IMMP1L: variants seen among roughly 807,000 people sequenced by gnomAD.
The protein encoded by IMMP1L is inner mitochondrial membrane peptidase subunit 1.
IMMP1L carries 24 observed loss-of-function variants against 21.8 expected under a neutral mutation model. The ratio of observed to expected loss-of-function variants is 1.10; its 90% CI spans 0.80 to 1.55. The LOEUF (loss-of-function observed/expected upper bound fraction) is 1.55, where lower values mean the gene tolerates loss of function less well. Ranked by LOEUF, IMMP1L falls within the 40% of genes most tolerant of loss-of-function variation. The pLI is 0.00. For synonymous variants in IMMP1L, 46 were observed against 62.8 expected, an observed-to-expected ratio of 0.73 and a Z score of 1.26; for missense variants, 195 against 200.7, an observed-to-expected ratio of 0.97 and a Z score of 0.17.
At chr11:31,488,152 C>T (rs907404301) in intron 1 of IMMP1L, 1 of 151,014 alleles carries the variant, frequency 6.6e-6, no homozygotes, top group Non-Finnish European at 1.5e-5. Context: ...ACAATTCATT[C>T]AATTTTTAGG....
chr11:31,489,476 C>T (rs1565006339), intron 1 of IMMP1L, among the ~76,000 whole-genome samples: 1 of 152,082 alleles, frequency 6.6e-6, no homozygotes, highest in Non-Finnish European at 1.5e-5. Context: ...ATAAAGAATA[C>T]GGTTTCACTC....
At chr11:31,481,053 C>T (rs1481871358) in intron 1 of IMMP1L, among the ~76,000 whole-genome samples, 2 of 152,102 alleles carry the variant, frequency 1.3e-5, no homozygotes, top group Non-Finnish European at 2.9e-5. Flanking sequence ...GAAAACCCCG[C>T]GTTCCATATG....
intron 4 of IMMP1L, among the ~76,000 whole-genome samples, chr11:31,435,533 C>G (rs1304574150): frequency 3.3e-5 from 5 of 152,082 alleles, no homozygotes; most frequent in Admixed American, 3.3e-4. Flanking sequence ...GCAAAAACCA[C>G]AATTACTTTT....
chr11:31,467,025 T>C (rs1240951652), intron 1 of IMMP1L, among the ~76,000 whole-genome samples: 1 of 152,098 alleles, frequency 6.6e-6, no homozygotes, highest in African/African-American at 2.4e-5. Context: ...ATCCCATTAA[T>C]ACATACAATT....
Position 31,508,955 on chromosome 11 carries a change from A to G in IMMP1L, c.-30+564T>C, listed in dbSNP as rs540836826. Among the ~76,000 whole-genome samples, 242 of 152,304 alleles carry G rather than the reference A, an allele frequency of 1.6e-3. 2 individuals carry two copies. Among genetic ancestry groups the G allele is most frequent in the African/African-American group, 5.6e-3 (233 of 41,580 alleles). On this transcript the variant is annotated intron_variant, in intron 1 of 5. Transcript: ENST00000532287. Reference sequence around the variant, plus strand: ...ATTCTTCCTAGCAGTTTTTTGGGGGAAAGAAACCCTAAGTATTTTCTGTTA... The same window carrying G: ...ATTCTTCCTAGCAGTTTTTTGGGGGGAAGAAACCCTAAGTATTTTCTGTTA...
chr11:31,450,076 A>C (rs1953689130), intron 4 of IMMP1L, among the ~76,000 whole-genome samples: 1 of 152,240 alleles, frequency 6.6e-6, no homozygotes, highest in East Asian at 1.9e-4. Context: ...TTCATTTTAC[A>C]ATAAACCACA....
intron 1 of IMMP1L, among the ~76,000 whole-genome samples, chr11:31,493,509 C>T (rs561350797): frequency 6.6e-6 from 1 of 152,044 alleles, no homozygotes; most frequent in Non-Finnish European, 1.5e-5. Flanking sequence ...TGGGTGGGGG[C>T]GTAATCAAAC....
chr11:31,433,523 A>G lies in IMMP1L; in HGVS notation c.369T>C (p.Ser123=). ...VWLEGDNLQN[S]TDSRCYGPIP... ...TAGGTCCATAGCACCTGGAATCTGT[A>G]GAATTCTGTAGATTGTCACCTTCTA... Residue 123 remains serine (S), a synonymous_variant, in exon 5 of 6, where the codon TCT becomes TCC. Transcript: ENST00000532287. 1 of 1,612,092 alleles carries G rather than the reference A, an allele frequency of 6.2e-7. No homozygotes were observed. The highest frequency in any genetic ancestry group is 1.1e-5 in the South Asian group (1 of 90,888).
chr11:31,455,381 TAA>T (rs963259555), intron 4 of IMMP1L, among the ~76,000 whole-genome samples: 1 of 152,118 alleles, frequency 6.6e-6, no homozygotes, highest in African/African-American at 2.4e-5. Flanking sequence ...ATATGCTGAG[TAA>T]ACAAAAGGCC....
intron 1 of IMMP1L, among the ~76,000 whole-genome samples, chr11:31,506,688 G>A (rs1331878268): frequency 2.0e-5 from 3 of 149,344 alleles, no homozygotes; most frequent in East Asian, 2.0e-4. Context: ...GCGGCTGGGC[G>A]CGGTGGCTCA....
intron 2 of IMMP1L, among the ~76,000 whole-genome samples, chr11:31,461,061 G>A (rs1954123866): frequency 6.6e-6 from 1 of 152,140 alleles, no homozygotes; most frequent in African/African-American, 2.4e-5. Flanking sequence ...CAAGAACAAT[G>A]TTTGGTACAA....
At chr11:31,484,469 T>C (rs1445220524) in intron 1 of IMMP1L, among the ~76,000 whole-genome samples, 1 of 151,964 alleles carries the variant, frequency 6.6e-6, no homozygotes, top group Non-Finnish European at 1.5e-5. Context: ...TTAACAGCTG[T>C]AGAGTATTTC....
intron 1 of IMMP1L, among the ~76,000 whole-genome samples, chr11:31,498,716 A>G (rs1473562110): frequency 6.6e-6 from 1 of 152,188 alleles, no homozygotes; most frequent in Non-Finnish European, 1.5e-5. Context: ...GGCTAGCTCT[A>G]TTGTGAATCC....
At chr11:31,482,930 A>G (rs1954947971) in intron 1 of IMMP1L, among the ~76,000 whole-genome samples, 1 of 152,058 alleles carries the variant, frequency 6.6e-6, no homozygotes, top group Non-Finnish European at 1.5e-5. Context: ...AACTACGCAA[A>G]TGTCCACTAA....
intron 4 of IMMP1L, among the ~76,000 whole-genome samples, chr11:31,433,935 A>G (rs1303520301): frequency 6.6e-6 from 1 of 152,160 alleles, no homozygotes; most frequent in Non-Finnish European, 1.5e-5. Flanking sequence ...CTTGTGTCTC[A>G]ATAACAGTAT....
chr11:31,472,896 C>T (rs570366943), intron 1 of IMMP1L, among the ~76,000 whole-genome samples: 53 of 151,946 alleles, frequency 3.5e-4, no homozygotes, highest in Admixed American at 1.8e-3. Flanking sequence ...GATGGAGTGT[C>T]GCTCTGTCGT....
At chr11:31,458,151 C>A (rs1954008553) in intron 3 of IMMP1L, among the ~76,000 whole-genome samples, 1 of 145,296 alleles carries the variant, frequency 6.9e-6, no homozygotes, top group African/African-American at 2.8e-5. Flanking sequence ...ATAATTCAGT[C>A]GTGCTGTTTT....
chr11:31,468,215 A>G (rs778121114), intron 1 of IMMP1L, among the ~76,000 whole-genome samples: 1 of 152,154 alleles, frequency 6.6e-6, no homozygotes, highest in African/African-American at 2.4e-5. Context: ...ACATAAAAAT[A>G]TATCACTGTT....
At chr11:31,463,667 A>G (rs548056578) in intron 1 of IMMP1L, among the ~76,000 whole-genome samples, 29 of 152,278 alleles carry the variant, frequency 1.9e-4, no homozygotes, top group African/African-American at 6.7e-4. Context: ...CTTGCTATAT[A>G]TTACTTCTTG....
Sources: allele counts gnomAD v4.1 joint callset (sites outside exome capture counted in the v4.1 genomes callset), GRCh38; gene constraint gnomAD v4.1.1; transcripts MANE v1.5; gene names NCBI Gene and HGNC (gene_info 2026-07-23, HGNC 2026-07-21).